The following PAX8 variants were observed in gnomAD, a reference collection of about 807,000 sequenced individuals.
PAX8 encodes paired box 8.
A neutral mutation model predicts 52.4 loss-of-function variants in PAX8; 15 were observed. The observed-to-expected ratio is 0.29, with a 90% CI of 0.19 to 0.44. The LOEUF (loss-of-function observed/expected upper bound fraction) is 0.44, where lower values mean the gene tolerates loss of function less well. PAX8 is among the 20% of genes least tolerant of loss of function. The probability of loss-of-function intolerance (pLI) is 1.00; values close to 1 mark genes in which losing one functional copy is unlikely to be tolerated. For missense variants in PAX8, 554 were observed against 602.5 expected, an observed-to-expected ratio of 0.92 and a Z score of 0.84; for synonymous variants, 284 against 249.7, an observed-to-expected ratio of 1.14 and a Z score of -1.29.
chr2:113,224,295 C>T (rs1336209765), intron 10 of PAX8, among the ~76,000 whole-genome samples: 1 of 151,946 alleles, frequency 6.6e-6, no homozygotes, highest in East Asian at 1.9e-4. Flanking sequence ...ACCTGTAATC[C>T]CAACACTTTG....
chr2:113,235,573 G>T lies in PAX8; in HGVS notation c.908C>A (p.Ser303Ter). 6.2e-7 allele frequency: 1 copy of T among 1,611,004 alleles called. No homozygotes were observed. Among genetic ancestry groups the T allele is most frequent in the Non-Finnish European group, 8.5e-7 (1 of 1,177,846 alleles). Residue 303 changes from serine (S) to a stop codon, truncating the protein, a stop_gained, in exon 9 of 12, where the codon TCA becomes TAA. Coordinates refer to ENST00000429538, the MANE Select transcript of PAX8 (RefSeq NM_003466.4). LOFTEE classifies it high-confidence loss of function. The stretch of plus-strand genomic sequence containing the variant: ...GGTTTCCTGCTTTATGGCGAAGGGT[G>T]AGTGAGGATCTGCCGGAGGGAGGGA... ...QTYPVVADPH[S>*]PFAIKQETPE... is the part of the protein sequence containing the mutation.
chr2:113,278,012 C>A (rs1370652788), intron 2 of PAX8, among the ~76,000 whole-genome samples: 1 of 152,214 alleles, frequency 6.6e-6, no homozygotes, highest in Admixed American at 6.5e-5. Context: ...AACGGCAAGT[C>A]CAGCACCGGT....
intron 9 of PAX8, among the ~76,000 whole-genome samples, chr2:113,233,011 T>G (rs2104447418): frequency 6.8e-6 from 1 of 147,972 alleles, no homozygotes; most frequent in East Asian, 2.0e-4. Context: ...CATGAACCTC[T>G]TCTCCTCACC....
chr2:113,244,384 C>G (rs1378523462), intron 4 of PAX8, 43 bp downstream of exon 4: 9 of 1,498,642 alleles, frequency 6.0e-6, no homozygotes, highest in Admixed American at 5.0e-5. Context: ...TCCCCAAAGC[C>G]CAGGGGCCCC....
rs994009114 is a variant in PAX8, at chr2:113,255,175, G to A, written c.26-8256C>T. 3.4e-5 allele frequency among the ~76,000 whole-genome samples: 5 copies of A among 146,752 alleles called. No individual in the cohort carries two copies. In the South Asian group the frequency reaches 1.1e-3, roughly 33 times the overall value. ...AAGGAAGGAAGAAAAAAAGAAGGAA[G>A]GAGGGACAGAGGAATAGAGGGAAGG... On this transcript the variant is annotated intron_variant, in intron 2 of 11. Coordinates refer to ENST00000429538, the MANE Select transcript of PAX8 (RefSeq NM_003466.4).
Position 113,278,817 on chromosome 2 carries a change from C to A in PAX8, c.-76+14G>T. On this transcript the variant is annotated intron_variant, in intron 1 of 11. Transcript: ENST00000429538. The stretch of plus-strand genomic sequence containing the variant: ...ACTGCTAGCCAGCTTCCAGCTAACC[C>A]CTGGGTGACATACCTGGCCGGCCGG... 9.4e-7 allele frequency: 1 copy of A among 1,067,704 alleles called. No homozygotes were observed. The highest frequency in any genetic ancestry group is 1.1e-6 in the Non-Finnish European group (1 of 876,636). The allele number at this position is 1,067,704 out of a possible 1,614,324, so 66.1% of individuals were successfully genotyped here.
intron 10 of PAX8, chr2:113,226,154 A>C: frequency 6.1e-6 from 6 of 985,374 alleles, no homozygotes; most frequent in Non-Finnish European, 7.2e-6. Flanking sequence ...CTGCCTCTGC[A>C]TAGGGTGCCC....
intron 2 of PAX8, chr2:113,267,294 G>C (rs1164141904): frequency 6.6e-6 from 1 of 152,276 alleles, no homozygotes; most frequent in Non-Finnish European, 1.5e-5. Flanking sequence ...CCACTTGGTA[G>C]CTCTGTCCTC....
chr2:113,269,629 G>T (rs922866396), intron 2 of PAX8: 2 of 152,198 alleles, frequency 1.3e-5, no homozygotes, highest in African/African-American at 4.8e-5. Context: ...GTCAACCAGG[G>T]TTTGCTATCA....
intron 2 of PAX8, chr2:113,266,079 A>C (rs959963547): frequency 6.6e-6 from 1 of 152,332 alleles, no homozygotes; most frequent in African/African-American, 2.4e-5. Flanking sequence ...CAGACTGAGC[A>C]CACACTTGGG....
Position 113,217,691 on chromosome 2 carries a change from G to T in PAX8, c.*842C>A, listed in dbSNP as rs1689074229. 4.3e-6 allele frequency: 1 copy of T among 232,216 alleles called. No individual in the cohort carries two copies. Among genetic ancestry groups the T allele is most frequent in the Non-Finnish European group, 8.5e-6 (1 of 117,514 alleles). The allele number at this position is 232,216 out of a possible 1,614,324, so 14.4% of individuals were successfully genotyped here. On this transcript the variant is annotated 3_prime_UTR_variant, in exon 12 of 12. Transcript: ENST00000429538. ...AGGAGCTGTCAGGAAGGGGAAGCGGGTTTCCTGCGATTCTGCCTTGTTCTG... is the reference window on the plus strand; with the variant it reads ...AGGAGCTGTCAGGAAGGGGAAGCGGTTTTCCTGCGATTCTGCCTTGTTCTG...
intron 10 of PAX8, among the ~76,000 whole-genome samples, chr2:113,223,287 C>T (rs1573404033): frequency 6.6e-6 from 1 of 152,244 alleles, no homozygotes; most frequent in Admixed American, 6.5e-5. Flanking sequence ...CCTCTATTTT[C>T]TCATCCCAAC....
chr2:113,232,028 T>A (rs1689929216), intron 9 of PAX8, among the ~76,000 whole-genome samples: 3 of 152,254 alleles, frequency 2.0e-5, no homozygotes, highest in Admixed American at 2.0e-4. Context: ...GGGCCCAGGT[T>A]CCTTCTCTTT....
intron 3 of PAX8, among the ~76,000 whole-genome samples, chr2:113,244,890 T>C (rs1000074843): frequency 2.0e-5 from 3 of 152,156 alleles, no homozygotes; most frequent in Non-Finnish European, 4.4e-5. Flanking sequence ...GGCCAGTCTC[T>C]TGTGTCCTAG....
At chr2:113,231,615 C>T (rs201190735) in intron 9 of PAX8, among the ~76,000 whole-genome samples, 19 of 152,316 alleles carry the variant, frequency 1.2e-4, no homozygotes, top group East Asian at 9.6e-4. Flanking sequence ...AAGATTCACG[C>T]GGGTTAAAGC....
intron 9 of PAX8, among the ~76,000 whole-genome samples, chr2:113,234,187 G>A (rs1268314641): frequency 6.6e-6 from 1 of 152,236 alleles, no homozygotes; most frequent in East Asian, 1.9e-4. Flanking sequence ...TCCTATCCCT[G>A]TGGAAGCCCT....
At chr2:113,238,823 C>T (rs758583542) in intron 7 of PAX8, 2 of 152,104 alleles carry the variant, frequency 1.3e-5, no homozygotes, top group African/African-American at 2.4e-5. Flanking sequence ...TGCTTAGCAC[C>T]GAATACTTGG....
rs1690964440 is a variant in PAX8, at chr2:113,242,686, T to C, written c.478+4A>G. ...TGTGTGTATCCAGGTCTCTCAGCAC[T>C]CACTCAGCGTGTGTCCGGGACTCAG... On this transcript the variant is annotated splice_donor_region_variant and intron_variant, in intron 5 of 11. Transcript: ENST00000429538. 1 of 1,605,432 alleles carries C rather than the reference T, an allele frequency of 6.2e-7. No individual in the cohort carries two copies. Among genetic ancestry groups the C allele is most frequent in the South Asian group, 1.1e-5 (1 of 90,914 alleles).
At chr2:113,243,786 A>G (rs3768768) in intron 4 of PAX8, among the ~76,000 whole-genome samples, 7,404 of 152,318 alleles carry the variant, frequency 0.049, 267 homozygotes, top group South Asian at 0.15. Flanking sequence ...TTTTTACTCA[A>G]GGGAAGACTT....
Sources: gnomAD v4.1 joint callset for allele counts (sites outside exome capture counted in the v4.1 genomes callset) on GRCh38, gnomAD v4.1.1 for gene constraint, MANE v1.5 for transcripts, NCBI Gene and HGNC (gene_info 2026-07-23, HGNC 2026-07-21) for gene names.